Variants in GOLT1B observed in about 807,000 individuals in gnomAD.
The protein encoded by GOLT1B is golgi transport 1B, also known as vesicle transport protein GOT1B.
A neutral mutation model predicts 15.4 loss-of-function variants in GOLT1B; 3 were observed. The ratio of observed to expected loss-of-function variants is 0.19; its 90% CI spans 0.09 to 0.50. The LOEUF (loss-of-function observed/expected upper bound fraction) is 0.50. Ranked by LOEUF, GOLT1B falls within the 20% of genes least tolerant of loss-of-function variation. The pLI is 0.97. For missense variants in GOLT1B, 145 were observed against 160.4 expected (o/e 0.90, Z 0.52); for synonymous variants, 65 against 56.2 (o/e 1.16, Z -0.70).
chr12:21,504,486 G>T (rs138438484), intron 1 of GOLT1B: 2 of 464,610 alleles, frequency 4.3e-6, no homozygotes, highest in Non-Finnish European at 8.7e-6. Context: ...GGACTGTACT[G>T]GATAAAGTAG....
chr12:21,504,019 G>A (rs1337635650), intron 1 of GOLT1B, among the ~76,000 whole-genome samples: 1 of 152,152 alleles, frequency 6.6e-6, no homozygotes, highest in Non-Finnish European at 1.5e-5. Context: ...CTTGACTTCT[G>A]TTTTTCAAAG....
chr12:21,512,099 A>G (rs1374456459), intron 3 of GOLT1B, among the ~76,000 whole-genome samples, 196 bp from the exon 4 acceptor site: 1 of 152,230 alleles, frequency 6.6e-6, no homozygotes, highest in African/African-American at 2.4e-5. Context: ...TGAGTTATAT[A>G]TAGCTAGGCC....
chr12:21,507,732 G>GT (rs2136805164), intron 2 of GOLT1B, among the ~76,000 whole-genome samples: 1 of 152,266 alleles, frequency 6.6e-6, no homozygotes, highest in Non-Finnish European at 1.5e-5. Flanking sequence ...GGGAGGGCAA[G>GT]TATTTGGAAA....
At chr12:21,511,312 G>C (rs559665718) in intron 3 of GOLT1B, among the ~76,000 whole-genome samples, 2 of 152,178 alleles carry the variant, frequency 1.3e-5, no homozygotes, top group African/African-American at 2.4e-5. Context: ...GCAAGGAAAG[G>C]GGGGAGGGTC....
intron 1 of GOLT1B, among the ~76,000 whole-genome samples, chr12:21,504,064 A>T (rs1260162155): frequency 6.6e-6 from 1 of 152,272 alleles, no homozygotes; most frequent in Non-Finnish European, 1.5e-5. Context: ...CTTTTAAAAA[A>T]TTGTGAATAA....
In GOLT1B at chr12:21,504,634, A is replaced by G. The variant is rs561037562; in HGVS notation, c.26-2251A>G. On this transcript the variant is annotated intron_variant, in intron 1 of 4. Coordinates refer to ENST00000229314, the MANE Select transcript of GOLT1B (RefSeq NM_016072.5). ...CCACACACACATTTTTGCTGCTTCT[A>G]TGATCAAGAACAAGTTACTGAATTA... 273 of 465,082 alleles carry G rather than the reference A, an allele frequency of 5.9e-4. 1 individual carries two copies. The Middle Eastern group carries it at 7.4e-3, about 13-fold the overall frequency. The allele number at this position is 465,082 out of a possible 1,614,324, so 28.8% of individuals were successfully genotyped here.
At chr12:21,511,543 G>A (rs930421220) in intron 3 of GOLT1B, among the ~76,000 whole-genome samples, 2 of 152,152 alleles carry the variant, frequency 1.3e-5, no homozygotes, top group Admixed American at 6.5e-5. Context: ...CTCTAATCTT[G>A]CCTTGGTCTT....
chr12:21,508,056 C>G (rs1003160979), intron 2 of GOLT1B: 6 of 414,190 alleles, frequency 1.4e-5, no homozygotes, highest in Non-Finnish European at 2.8e-5. Context: ...CTTGACTAAG[C>G]CTTCCTCATC....
In GOLT1B at chr12:21,512,386, C is replaced by T. The variant is rs1264209983; in HGVS notation, c.378+10C>T. 1.6e-6 allele frequency: 2 copies of T among 1,270,366 alleles called. No individual in the cohort carries two copies. The highest frequency in any genetic ancestry group is 2.3e-6 in the Non-Finnish European group (2 of 869,872). 78.7% of individuals were successfully genotyped at this position (1,270,366 alleles called of 1,614,324 possible). ...ACCTGGAATTAGATCAGTAAGTAAT[C>T]ATGTATATTTTAGGCCAACAAAATA... is the stretch of plus-strand genomic sequence containing the variant. On this transcript the variant is annotated intron_variant, in intron 4 of 4. Coordinates refer to ENST00000229314, the MANE Select transcript of GOLT1B (RefSeq NM_016072.5).
intron 4 of GOLT1B, among the ~76,000 whole-genome samples, chr12:21,513,800 A>G (rs1943737261): frequency 6.6e-6 from 1 of 152,188 alleles, no homozygotes; most frequent in African/African-American, 2.4e-5. Flanking sequence ...TGTCTCAAAC[A>G]AAAAAGAAAA....
chr12:21,502,206 A>G (rs1943635593), intron 1 of GOLT1B, among the ~76,000 whole-genome samples: 1 of 152,068 alleles, frequency 6.6e-6, no homozygotes, highest in Non-Finnish European at 1.5e-5. Flanking sequence ...TTTAGCCCAG[A>G]GTCTGTCTCA....
chr12:21,515,087 A>G (rs901781905), intron 4 of GOLT1B: 5 of 464,760 alleles, frequency 1.1e-5, no homozygotes, highest in Non-Finnish European at 1.9e-5. Flanking sequence ...TTTATATTCA[A>G]TAATTATAAA....
In GOLT1B at chr12:21,518,361, C is replaced by T. The variant is rs1943771129; in HGVS notation, c.*2654C>T. On this transcript the variant is annotated 3_prime_UTR_variant, in exon 5 of 5. Coordinates refer to ENST00000229314, the MANE Select transcript of GOLT1B (RefSeq NM_016072.5). Reference sequence around the variant, plus strand: ...GCAAAAATGTTCTTAATTTTGAAAACTGTAAAATAAAGTCACTTACCTTGG... The same window carrying T: ...GCAAAAATGTTCTTAATTTTGAAAATTGTAAAATAAAGTCACTTACCTTGG... 6.6e-6 allele frequency: 1 copy of T among 152,008 alleles called. No homozygotes were observed. Among genetic ancestry groups the T allele is most frequent in the African/African-American group, 2.4e-5 (1 of 41,394 alleles). 9.4% of individuals were successfully genotyped at this position (152,008 alleles called of 1,614,324 possible).
chr12:21,507,835 T>G, intron 2 of GOLT1B: 1 of 388,344 alleles, frequency 2.6e-6, no homozygotes, highest in Admixed American at 3.2e-5. Context: ...TGTATTTTTA[T>G]TTCTGCTGCC....
At position 21,513,977 on chromosome 12, in the gene GOLT1B, G is replaced by A. The variant is rs139908176; in HGVS notation, c.378+1601G>A. On this transcript the variant is annotated intron_variant, in intron 4 of 4. Transcript: ENST00000229314. ...TCTGCTAAGCAAGTGAGTGAAGGAT[G>A]GCATTTTGTTGACCTCAGGGAACTT... is the stretch of plus-strand genomic sequence containing the variant. 1.9e-3 allele frequency among the ~76,000 whole-genome samples: 284 copies of A among 152,218 alleles called. 3 individuals carry two copies. The highest frequency in any genetic ancestry group is 6.6e-3 in the African/African-American group (276 of 41,540).
rs769828396 is a variant in GOLT1B, at chr12:21,515,649, T to C, written c.379-20T>C. 1 of 1,251,176 alleles carries C rather than the reference T, an allele frequency of 8.0e-7. No individual in the cohort carries two copies. The allele number at this position is 1,251,176 out of a possible 1,614,324, so 77.5% of individuals were successfully genotyped here. ...ATGTTCCGGGCTTTCTTTAATTCTC[T>C]GTTTTTCTTCTCCTTACAGTTTGTA... On this transcript the variant is annotated intron_variant, in intron 4 of 4. Transcript: ENST00000229314.
chr12:21,514,661 A>C (rs1402474721), intron 4 of GOLT1B, among the ~76,000 whole-genome samples: 1 of 152,170 alleles, frequency 6.6e-6, no homozygotes, highest in East Asian at 1.9e-4. Flanking sequence ...CATTTGCATT[A>C]ATCTGCAAAT....
Position 21,501,800 on chromosome 12 carries a change from C to G in GOLT1B, c.-124C>G. 1.4e-6 allele frequency: 1 copy of G among 716,302 alleles called. No homozygotes were observed. The highest frequency in any genetic ancestry group is 2.6e-6 in the Non-Finnish European group (1 of 391,008). 44.4% of individuals were successfully genotyped at this position (716,302 alleles called of 1,614,324 possible). A position where few individuals can be genotyped will look rare whatever the true frequency, so the allele number is the denominator to read the frequency against. On this transcript the variant is annotated 5_prime_UTR_variant, in exon 1 of 5. Transcript: ENST00000229314. ...GCTCTTAAAGCGGCAGTGAGGGTGG[C>G]TGCGTGTTTCCGGAAGACGTGGCGG... is the stretch of plus-strand genomic sequence containing the variant.
At chr12:21,503,222 A>G (rs1427343387) in intron 1 of GOLT1B, among the ~76,000 whole-genome samples, 3 of 152,246 alleles carry the variant, frequency 2.0e-5, no homozygotes, top group African/African-American at 7.2e-5. Flanking sequence ...ATTTTCTTTC[A>G]GTTAACCATG....
Sources: allele counts gnomAD v4.1 joint callset (sites outside exome capture counted in the v4.1 genomes callset), GRCh38; gene constraint gnomAD v4.1.1; transcripts MANE v1.5; gene names NCBI Gene and HGNC (gene_info 2026-07-23, HGNC 2026-07-21).